TTLL12: variants seen among roughly 807,000 people sequenced by gnomAD.
TTLL12 encodes the protein tubulin--tyrosine ligase-like protein 12.
A neutral mutation model predicts 79.6 loss-of-function variants in TTLL12; 77 were observed. The ratio of observed to expected loss-of-function variants is 0.97; its 90% CI spans 0.81 to 1.17. The LOEUF (loss-of-function observed/expected upper bound fraction) is 1.17, where lower values mean the gene tolerates loss of function less well. TTLL12 is among the 50% of genes most tolerant of loss of function. The pLI, the probability that TTLL12 is intolerant of heterozygous loss-of-function variation, is 0.00. For missense variants in TTLL12, 969 were observed against 895.9 expected, an observed-to-expected ratio of 1.08 and a Z score of -1.04; for synonymous variants, 437 against 376.1, an observed-to-expected ratio of 1.16 and a Z score of -1.87.
intron 5 of TTLL12, among the ~76,000 whole-genome samples, chr22:43,178,141 G>A (rs1931960601): frequency 6.6e-6 from 1 of 152,050 alleles, no homozygotes; most frequent in Admixed American, 6.6e-5. Context: ...CTGGTGCAGG[G>A]GCTCTGGGAG....
chr22:43,169,475 C>A lies in TTLL12; in HGVS notation c.1644+25G>T, dbSNP rs370926466. ...GCCCGGGACCCGCCCCACCGGCCTG[C>A]GATGGTGTGCAGGACAGGAATTACC... On this transcript the variant is annotated intron_variant, in intron 12 of 13. Coordinates refer to ENST00000216129, the MANE Select transcript of TTLL12 (RefSeq NM_015140.4). 2.6e-6 allele frequency: 4 copies of A among 1,558,490 alleles called. No individual in the cohort carries two copies. The East Asian group carries it at 9.0e-5, about 35-fold the overall frequency.
chr22:43,182,635 G>C (rs1268882356), intron 2 of TTLL12, among the ~76,000 whole-genome samples: 2 of 152,168 alleles, frequency 1.3e-5, no homozygotes, highest in East Asian at 3.8e-4. Context: ...GACCAGAGAG[G>C]GGCTGTGACT....
intron 3 of TTLL12, 118 bp downstream of exon 3, chr22:43,180,624 C>T: frequency 8.5e-7 from 1 of 1,181,954 alleles, no homozygotes. Context: ...TAGGAAGCCA[C>T]AGGAGAAAGT....
In TTLL12 at chr22:43,174,321, A is replaced by T; in HGVS notation, c.1117T>A (p.Ser373Thr). The T allele has an allele frequency of 6.2e-7, 1 of 1,609,920 alleles. No individual in the cohort carries two copies. Among genetic ancestry groups the T allele is most frequent in the Non-Finnish European group, 8.5e-7 (1 of 1,178,422 alleles). ...NLLTVKDCLA[S>T]IARRAGGPEG... ...GGGCCACCTGCCCGGCGCGCGATGG[A>T]GGCCAGGCAGTCCTTGACAGTCAGC... The change falls in exon 8 of 14, where the codon TCC becomes ACC. Residue 373 changes from serine to threonine, a missense_variant. Transcript: ENST00000216129.
intron 11 of TTLL12, among the ~76,000 whole-genome samples, chr22:43,171,408 G>C (rs1164868710): frequency 1.3e-5 from 2 of 152,228 alleles, no homozygotes; most frequent in East Asian, 3.9e-4. Flanking sequence ...CTAGACCCGG[G>C]CAGGGTCACG....
chr22:43,172,387 C>G lies in TTLL12; in HGVS notation c.1493+16G>C. On this transcript the variant is annotated intron_variant, in intron 10 of 13. Coordinates refer to ENST00000216129, the MANE Select transcript of TTLL12 (RefSeq NM_015140.4). ...CCCAGCTCCCCGACCCTGGACCCAG[C>G]CGGCCCTCCACTTACCGGTTGGAGA... 1 of 1,613,236 alleles carries G rather than the reference C, an allele frequency of 6.2e-7. No homozygotes were observed. Among genetic ancestry groups the G allele is most frequent in the Non-Finnish European group, 8.5e-7 (1 of 1,179,312 alleles).
In TTLL12 at chr22:43,174,198, C is replaced by G. The variant is rs1173527342; in HGVS notation, c.1229+11G>C. The G allele has an allele frequency of 6.3e-7, 1 of 1,599,610 alleles. No homozygotes were observed. The highest frequency in any genetic ancestry group is 8.5e-7 in the Non-Finnish European group (1 of 1,179,558). On this transcript the variant is annotated intron_variant, in intron 8 of 13. Transcript: ENST00000216129. Reference sequence around the variant, plus strand: ...GCCATGGAGCACACCGATGCCGTGTCTGGGACTTACCACCTTTCCCGCTGC... The same window carrying G: ...GCCATGGAGCACACCGATGCCGTGTGTGGGACTTACCACCTTTCCCGCTGC...
intron 2 of TTLL12, among the ~76,000 whole-genome samples, chr22:43,181,740 T>C (rs555813601): frequency 1.3e-5 from 2 of 152,302 alleles, no homozygotes; most frequent in South Asian, 4.1e-4. Context: ...GGACAGCCAG[T>C]GTTCCAGTTC....
In TTLL12 at chr22:43,169,548, G is replaced by A; in HGVS notation, c.1596C>T (p.Ile532=). ...VLKQVHCEEF[I]PEFEKQYPEF... is the part of the protein sequence containing the mutation. ...CTGGGTATTGCTTCTCAAACTCGGG[G>A]ATGAACTCTTCACAGTGCACCTGCA... Residue 532 remains isoleucine, a synonymous_variant, in exon 12 of 14, where the codon ATC becomes ATT. Coordinates refer to ENST00000216129, the MANE Select transcript of TTLL12 (RefSeq NM_015140.4). 1.9e-6 allele frequency: 3 copies of A among 1,612,364 alleles called. No individual in the cohort carries two copies. The highest frequency in any genetic ancestry group is 4.5e-5 in the East Asian group (2 of 44,824).
rs916758201 is a variant in TTLL12 at position 43,167,230 on chromosome 22, C to T, written c.*778G>A. On this transcript the variant is annotated 3_prime_UTR_variant, in exon 14 of 14. Coordinates refer to ENST00000216129, the MANE Select transcript of TTLL12 (RefSeq NM_015140.4). ...CCCTTGCCGAAGGATCCTGGCCCAT[C>T]TCACACAAGGGCGGGACCCCGTGGA... 5.7e-6 allele frequency: 3 copies of T among 530,272 alleles called. No homozygotes were observed. Among genetic ancestry groups the T allele is most frequent in the Non-Finnish European group, 1.2e-5 (3 of 259,030 alleles). The allele number at this position is 530,272 out of a possible 1,614,324, so 32.8% of individuals were successfully genotyped here.
chr22:43,168,649 C>T, intron 13 of TTLL12, 125 bp downstream of exon 13: 1 of 1,380,642 alleles, frequency 7.2e-7, no homozygotes, highest in South Asian at 1.3e-5. Context: ...TTTCCCCAAC[C>T]CAGATTCCTG....
Position 43,174,575 on chromosome 22 carries a change from G to A in TTLL12, c.958C>T (p.His320Tyr). 6.2e-7 allele frequency: 1 copy of A among 1,613,152 alleles called. No individual in the cohort carries two copies. ...CTCTGGGTGAGGGTGAAGCGCGGGT[G>A]GGTGAGGCTGCTGGCCACCTGCTGC... Reference protein sequence around the residue: ...DVQQVASSLTHPRFTLTQSEA... With the variant: ...DVQQVASSLTYPRFTLTQSEA... The change falls in exon 7 of 14, where the codon CAC becomes TAC. Residue 320 changes from histidine (H) to tyrosine (Y), a missense_variant. By Grantham distance (83) the His-to-Tyr change is moderately conservative. Transcript: ENST00000216129.
At chr22:43,178,783 CT>C (rs1220054019) in intron 5 of TTLL12, among the ~76,000 whole-genome samples, 22 of 152,246 alleles carry the variant, frequency 1.4e-4, no homozygotes, top group African/African-American at 5.1e-4. Flanking sequence ...TGTGTGACCC[CT>C]GGCAAATGAC....
At chr22:43,173,186 G>A (rs939959234) in intron 9 of TTLL12, among the ~76,000 whole-genome samples, 2 of 152,116 alleles carry the variant, frequency 1.3e-5, no homozygotes, top group Non-Finnish European at 2.9e-5. Flanking sequence ...GCTTCTGGAT[G>A]TCCCCTCACT....
At chr22:43,182,087 C>G (rs575891135) in intron 2 of TTLL12, among the ~76,000 whole-genome samples, 5 of 141,322 alleles carry the variant, frequency 3.5e-5, no homozygotes, top group Non-Finnish European at 6.6e-5. Flanking sequence ...ATCCAAGACT[C>G]TGGATCCCTA....
At chr22:43,173,214 C>G (rs1931810422) in intron 9 of TTLL12, among the ~76,000 whole-genome samples, 1 of 152,188 alleles carries the variant, frequency 6.6e-6, no homozygotes, top group African/African-American at 2.4e-5. Flanking sequence ...TTTACCACGG[C>G]TCTGAGAGGC....
chr22:43,169,698 G>C, intron 11 of TTLL12, 130 bp from the exon 12 acceptor site: 2 of 870,362 alleles, frequency 2.3e-6, no homozygotes, highest in Non-Finnish European at 3.7e-6. Flanking sequence ...AGCCAACCCC[G>C]AACCCTCAGG....
intron 9 of TTLL12, 146 bp from the exon 10 acceptor site, chr22:43,172,700 T>A: frequency 1.2e-6 from 1 of 818,852 alleles, no homozygotes; most frequent in Non-Finnish European, 1.8e-6. Flanking sequence ...TGCTGCAAAG[T>A]CTTTTTTTTT....
chr22:43,168,738 G>A, intron 13 of TTLL12, 36 bp downstream of exon 13: 1 of 1,546,006 alleles, frequency 6.5e-7, no homozygotes, highest in Non-Finnish European at 8.7e-7. Flanking sequence ...GGGGGCGCCT[G>A]CTGGTTTGGA....
Sources: gnomAD v4.1 joint callset for allele counts (sites outside exome capture counted in the v4.1 genomes callset) on GRCh38, gnomAD v4.1.1 for gene constraint, MANE v1.5 for transcripts, NCBI Gene and HGNC (gene_info 2026-07-23, HGNC 2026-07-21) for gene names.